LIMD1: variants seen among roughly 807,000 people sequenced by gnomAD.
LIMD1 encodes the protein LIM domain containing 1.
Under a neutral mutation model 58.4 loss-of-function variants are expected in LIMD1, and 23 were observed. The ratio of observed to expected loss-of-function variants is 0.39; its 90% CI spans 0.28 to 0.56. The LOEUF is 0.56. LIMD1 is among the 20% of genes least tolerant of loss of function. The pLI is 0.57. For synonymous variants in LIMD1, 334 were observed against 345.5 expected, an observed-to-expected ratio of 0.97 and a Z score of 0.37; for missense variants, 838 against 855.5, an observed-to-expected ratio of 0.98 and a Z score of 0.25.
intron 1 of LIMD1, 91 bp downstream of exon 1, chr3:45,596,378 G>A (rs1215326856): frequency 2.0e-6 from 2 of 1,004,498 alleles, no homozygotes; most frequent in Non-Finnish European, 2.9e-6. Flanking sequence ...GCTGTGGGCT[G>A]TAGTTACCTC....
chr3:45,626,735 G>C (rs1701670611), intron 1 of LIMD1, among the ~76,000 whole-genome samples: 1 of 152,028 alleles, frequency 6.6e-6, no homozygotes, highest in Non-Finnish European at 1.5e-5. Flanking sequence ...TGGACTTCGG[G>C]TGATAATGAT....
chr3:45,614,248 C>G (rs1469848283), intron 1 of LIMD1, among the ~76,000 whole-genome samples: 1 of 152,060 alleles, frequency 6.6e-6, no homozygotes, highest in African/African-American at 2.4e-5. Context: ...TCCTCTTAGG[C>G]TGGGCACAGT....
chr3:45,597,008 C>T (rs966319562), intron 1 of LIMD1, among the ~76,000 whole-genome samples: 2 of 148,384 alleles, frequency 1.3e-5, no homozygotes, highest in Non-Finnish European at 3.0e-5. Context: ...ACTACAGGCA[C>T]GTGCCACCAC....
intron 1 of LIMD1, among the ~76,000 whole-genome samples, chr3:45,615,944 T>C (rs72880788): frequency 0.02 from 2,995 of 152,200 alleles, 90 homozygotes; most frequent in African/African-American, 0.068. Flanking sequence ...GTCTTTAGTT[T>C]GATATAATAC....
In LIMD1 at chr3:45,594,797, A is replaced by ACACACACACACACACACACAC. The variant is rs1553642000; in HGVS notation, c.-82_-62dup. On this transcript the variant is annotated 5_prime_UTR_variant, in exon 1 of 8. Coordinates refer to ENST00000273317, the MANE Select transcript of LIMD1 (RefSeq NM_014240.3). ...GCCCTCAACACACACACACACACAC[A>ACACACACACACACACACACAC]CACACACACACACACACACACACAC... 3.8e-3 allele frequency: 493 copies of ACACACACACACACACACACAC among 129,276 alleles called. 3 individuals are homozygous for ACACACACACACACACACACAC. In the East Asian group the frequency reaches 0.086, roughly 23 times the overall value. 8.0% of individuals were successfully genotyped at this position (129,276 alleles called of 1,614,324 possible).
chr3:45,660,655 G>T (rs1358662713), intron 2 of LIMD1, among the ~76,000 whole-genome samples: 1 of 151,952 alleles, frequency 6.6e-6, no homozygotes, highest in Non-Finnish European at 1.5e-5. Context: ...ATCTCAAGTG[G>T]TCCAACAGCC....
In LIMD1 at chr3:45,595,662, C is replaced by A; in HGVS notation, c.783C>A (p.Gly261=). ...GCCGCAGCAGCGAGAAGCCAACAGG[C>A]CTTTGGTCCACTGCCTCCTCCCAGC... is the stretch of plus-strand genomic sequence containing the variant. ...IGGRSSEKPT[G]LWSTASSQRV... The change falls in exon 1 of 8, where the codon GGC becomes GGA. Residue 261 remains glycine (G), a synonymous_variant. Transcript: ENST00000273317. 6.2e-7 allele frequency: 1 copy of A among 1,614,186 alleles called. No individual in the cohort carries two copies. The highest frequency in any genetic ancestry group is 8.5e-7 in the Non-Finnish European group (1 of 1,180,036).
intron 1 of LIMD1, among the ~76,000 whole-genome samples, chr3:45,603,012 T>C (rs1701431388): frequency 6.6e-6 from 1 of 152,132 alleles, no homozygotes; most frequent in Non-Finnish European, 1.5e-5. Context: ...GGCTAATTTT[T>C]GTATTTTCAG....
chr3:45,649,335 T>C (rs1239872046), intron 2 of LIMD1, among the ~76,000 whole-genome samples: 1 of 152,104 alleles, frequency 6.6e-6, no homozygotes, highest in Non-Finnish European at 1.5e-5. Context: ...GGTGATGAAT[T>C]CTTTAAACTT....
rs568017907 is a variant in LIMD1 at position 45,595,337 on chromosome 3, G to T, written c.458G>T (p.Ser153Ile). The T allele has an allele frequency of 6.7e-5, 108 of 1,613,602 alleles. No homozygotes were observed. Among genetic ancestry groups the T allele is most frequent in the Non-Finnish European group, 8.9e-5 (105 of 1,180,052 alleles). The part of the protein sequence containing the change: ...HGSQDCGSRE[S>I]LATSEMSAFH... The stretch of plus-strand genomic sequence containing the variant: ...AGCCAGGACTGTGGTTCCAGGGAGA[G>T]CCTGGCGACTTCTGAGATGTCTGCT... The change falls in exon 1 of 8, where the codon AGC (serine) becomes ATC (isoleucine). Residue 153 changes from serine to isoleucine, a missense_variant. Coordinates refer to ENST00000273317, the MANE Select transcript of LIMD1 (RefSeq NM_014240.3).
chr3:45,635,353 A>G (rs77477677), intron 1 of LIMD1, among the ~76,000 whole-genome samples: 1 of 152,160 alleles, frequency 6.6e-6, no homozygotes, highest in African/African-American at 2.4e-5. Flanking sequence ...GGCTGAGATG[A>G]AAGCCTCAGG....
intron 1 of LIMD1, among the ~76,000 whole-genome samples, chr3:45,606,702 C>G (rs1462972034): frequency 6.6e-6 from 1 of 152,228 alleles, no homozygotes; most frequent in African/African-American, 2.4e-5. Context: ...TGTGCCAGCC[C>G]ATACTTCCCT....
chr3:45,625,734 A>ATGCTT lies in LIMD1; in HGVS notation c.1409-10414_1409-10410dup, dbSNP rs574381660. On this transcript the variant is annotated intron_variant, in intron 1 of 7. Coordinates refer to ENST00000273317, the MANE Select transcript of LIMD1 (RefSeq NM_014240.3). ...CCCCCTTCCCTGCTTTCTCTTGCAC[A>ATGCTT]TGCTTTCACCCTTCCATGATGCAGT... is the stretch of plus-strand genomic sequence containing the variant. 5.3e-5 allele frequency among the ~76,000 whole-genome samples: 8 copies of ATGCTT among 152,270 alleles called. No homozygotes were observed. In the South Asian group the frequency reaches 1.7e-3, roughly 32 times the overall value.
At chr3:45,605,467 A>T (rs1310441779) in intron 1 of LIMD1, among the ~76,000 whole-genome samples, 1 of 152,264 alleles carries the variant, frequency 6.6e-6, no homozygotes, top group Non-Finnish European at 1.5e-5. Flanking sequence ...TTCTTAGAAT[A>T]ATCAGTGTTA....
chr3:45,618,843 C>T (rs1317254848), intron 1 of LIMD1, among the ~76,000 whole-genome samples: 1 of 152,154 alleles, frequency 6.6e-6, no homozygotes, highest in African/African-American at 2.4e-5. Flanking sequence ...GGAGGAAGGT[C>T]TTGCCGCTGG....
Position 45,636,208 on chromosome 3 carries a change from G to T in LIMD1, c.1467G>T (p.Met489Ile). The T allele has an allele frequency of 1.2e-6, 2 of 1,613,386 alleles. No homozygotes were observed. Among genetic ancestry groups the T allele is most frequent in the South Asian group, 2.2e-5 (2 of 90,896 alleles). The change falls in exon 2 of 8, where the codon ATG becomes ATT. Residue 489 changes from methionine to isoleucine, a missense_variant. By Grantham distance (10) the Met-to-Ile change is conservative. This residue lies in a region of LIMD1 where 659 missense variants were observed against 639.8 expected (regional missense o/e 1.03). Coordinates refer to ENST00000273317, the MANE Select transcript of LIMD1 (RefSeq NM_014240.3). ...GGGCTGGCCAGGCCTGTCAGGCCAT[G>T]GGGAACCTCTACCATGACACATGCT... ...VFGAGQACQA[M>I]GNLYHDTCFT...
intron 1 of LIMD1, among the ~76,000 whole-genome samples, chr3:45,606,814 A>G (rs1035570746): frequency 6.6e-6 from 1 of 152,142 alleles, no homozygotes; most frequent in African/African-American, 2.4e-5. Flanking sequence ...TTTGTTTTTG[A>G]GGCAGAGTCT....
At position 45,620,739 on chromosome 3, in the gene LIMD1, CAAAA is replaced by C. The variant is rs1701621418; in HGVS notation, c.1409-15409_1409-15406del. 3.3e-5 allele frequency among the ~76,000 whole-genome samples: 5 copies of C among 152,268 alleles called. No individual in the cohort carries two copies. In the South Asian group the frequency reaches 1.0e-3, roughly 32 times the overall value. ...GCAAGACTCTGTCTCAAAAAACAAA[CAAAA>C]AGAATCATCAATGGATGCTGCATAG... On this transcript the variant is annotated intron_variant, in intron 1 of 7. Transcript: ENST00000273317.
chr3:45,614,691 C>A (rs1701560050), intron 1 of LIMD1, among the ~76,000 whole-genome samples: 1 of 151,070 alleles, frequency 6.6e-6, no homozygotes, highest in Admixed American at 6.6e-5. Context: ...CCACTGCATT[C>A]CAGCCTGGGC....
Sources: allele counts gnomAD v4.1 joint callset (sites outside exome capture counted in the v4.1 genomes callset), GRCh38; gene constraint gnomAD v4.1.1; regional missense constraint gnomAD v4.1.1; transcripts MANE v1.5; gene names NCBI Gene and HGNC (gene_info 2026-07-23, HGNC 2026-07-21).